The following CDH4 variants were observed in gnomAD, a reference collection of about 807,000 sequenced individuals.
The protein encoded by CDH4 is cadherin 4.
In CDH4, 33 loss-of-function variants were observed where a neutral mutation model predicts 86.0. That is an observed-to-expected ratio of 0.38 (90% CI 0.29 to 0.51). The LOEUF (loss-of-function observed/expected upper bound fraction) is 0.51. Among genes scored for constraint, CDH4 ranks in the 20% least tolerant of loss-of-function variants. CDH4 has a pLI of 0.86. For synonymous variants in CDH4, 555 were observed against 549.4 expected (o/e 1.01, Z -0.14); for missense variants, 1,114 against 1,307.4 (o/e 0.85, Z 2.28).
chr20:61,592,384 C>T (rs903748956), intron 2 of CDH4, among the ~76,000 whole-genome samples: 10 of 152,094 alleles, frequency 6.6e-5, no homozygotes, highest in African/African-American at 1.9e-4. Flanking sequence ...TCCACAGGGG[C>T]GCCCGTCATC....
chr20:61,331,148 G>A lies in CDH4; in HGVS notation c.169+76211G>A, dbSNP rs181954910. On this transcript the variant is annotated intron_variant, in intron 2 of 15. Transcript: ENST00000614565. ...AGCAGGGAAGGCTGTCTTGGGGCTC[G>A]GCGTCTCTGTCCCCATCTCCTTCCA... 3.5e-3 allele frequency among the ~76,000 whole-genome samples: 536 copies of A among 152,160 alleles called. 3 individuals carry two copies. Among genetic ancestry groups the A allele is most frequent in the African/African-American group, 0.012 (496 of 41,484 alleles).
At chr20:61,533,610 T>C (rs2085972767) in intron 2 of CDH4, among the ~76,000 whole-genome samples, 1 of 152,208 alleles carries the variant, frequency 6.6e-6, no homozygotes. Flanking sequence ...CCCCTCTGGC[T>C]GCCTCACTCT....
At chr20:61,803,155 G>A (rs1345487064) in intron 4 of CDH4, among the ~76,000 whole-genome samples, 1 of 152,146 alleles carries the variant, frequency 6.6e-6, no homozygotes, top group Non-Finnish European at 1.5e-5. Flanking sequence ...GTGTGTCCGC[G>A]ATGTGCTGTG....
intron 2 of CDH4, among the ~76,000 whole-genome samples, chr20:61,477,711 G>T (rs1179853437): frequency 6.6e-6 from 1 of 152,172 alleles, no homozygotes; most frequent in Non-Finnish European, 1.5e-5. Context: ...TCTCCTTCCA[G>T]CCCATTGCTC....
chr20:61,340,075 T>C (rs1042237978), intron 2 of CDH4, among the ~76,000 whole-genome samples: 1 of 152,206 alleles, frequency 6.6e-6, no homozygotes, highest in East Asian at 1.9e-4. Context: ...AAAACCCAGA[T>C]AGGTATAATC....
At chr20:61,771,347 G>T (rs2088773925) in intron 3 of CDH4, among the ~76,000 whole-genome samples, 1 of 151,656 alleles carries the variant, frequency 6.6e-6, no homozygotes, top group South Asian at 2.1e-4. Flanking sequence ...GTTGAGGCTG[G>T]GCATGGTGGC....
chr20:61,832,041 T>C (rs1170093835), intron 4 of CDH4, among the ~76,000 whole-genome samples: 1 of 152,212 alleles, frequency 6.6e-6, no homozygotes, highest in Non-Finnish European at 1.5e-5. Context: ...GCAAGTTGGG[T>C]GGATGCTGCT....
intron 4 of CDH4, among the ~76,000 whole-genome samples, chr20:61,822,912 C>T (rs1239947191): frequency 6.6e-6 from 1 of 152,172 alleles, no homozygotes; most frequent in Non-Finnish European, 1.5e-5. Flanking sequence ...TCCCAGGTAA[C>T]CCAACTGCCG....
chr20:61,761,534 C>T (rs1394867843), intron 3 of CDH4, among the ~76,000 whole-genome samples: 2 of 152,124 alleles, frequency 1.3e-5, no homozygotes, highest in African/African-American at 2.4e-5. Flanking sequence ...AACATTAGAA[C>T]GTTCAGCAAA....
chr20:61,517,284 C>G lies in CDH4; in HGVS notation c.170-226279C>G, dbSNP rs575738150. On this transcript the variant is annotated intron_variant, in intron 2 of 15. Coordinates refer to ENST00000614565, the MANE Select transcript of CDH4 (RefSeq NM_001794.5). The surrounding 1 kb of genome is among the most constrained non-coding windows in gnomAD (Gnocchi z 6.6). ...CACAACCCACGGCAGCCGCCAACTCCTGGGCTCAAGCGATCCTCCCACCTC... is the reference window on the plus strand; with the variant it reads ...CACAACCCACGGCAGCCGCCAACTCGTGGGCTCAAGCGATCCTCCCACCTC... Among the ~76,000 whole-genome samples, 19 of 152,360 alleles carry G rather than the reference C, an allele frequency of 1.2e-4. No homozygotes were observed. In the East Asian group the frequency reaches 3.7e-3, roughly 29 times the overall value.
At chr20:61,911,205 T>G (rs2054846601) in intron 9 of CDH4, among the ~76,000 whole-genome samples, 1 of 152,194 alleles carries the variant, frequency 6.6e-6, no homozygotes, top group South Asian at 2.1e-4. Context: ...TGGTCGTGCT[T>G]CTTTTTGTTT....
intron 2 of CDH4, among the ~76,000 whole-genome samples, chr20:61,528,466 A>AAGGGAGGGGAGGGG (rs2085928577): frequency 2.6e-3 from 21 of 8,152 alleles, no homozygotes; most frequent in African/African-American, 5.7e-3. Context: ...GGGGAGAGGG[A>AAGGGAGGGGAGGGG]GGGGGAGGGG....
intron 2 of CDH4, among the ~76,000 whole-genome samples, chr20:61,427,053 T>C (rs888305496): frequency 6.6e-6 from 1 of 152,202 alleles, no homozygotes; most frequent in Admixed American, 6.5e-5. Context: ...GCTCCAAGAC[T>C]AACTAGGGAG....
At chr20:61,711,705 A>T (rs1299466484) in intron 2 of CDH4, among the ~76,000 whole-genome samples, 1 of 152,194 alleles carries the variant, frequency 6.6e-6, no homozygotes, top group African/African-American at 2.4e-5. Context: ...GGATTTGGAC[A>T]TCTGGGGAGG....
At chr20:61,474,950 A>G (rs1043906307) in intron 2 of CDH4, among the ~76,000 whole-genome samples, 9 of 152,176 alleles carry the variant, frequency 5.9e-5, no homozygotes, top group Non-Finnish European at 1.0e-4. Flanking sequence ...CATTTTAGAA[A>G]CCTGCTTCCT....
At chr20:61,593,219 G>A (rs1013777938) in intron 2 of CDH4, among the ~76,000 whole-genome samples, 1 of 152,246 alleles carries the variant, frequency 6.6e-6, no homozygotes, top group Non-Finnish European at 1.5e-5. Context: ...ACGCTCATGG[G>A]CTACACTTTG....
At chr20:61,436,313 G>A (rs2085281900) in intron 2 of CDH4, among the ~76,000 whole-genome samples, 1 of 152,162 alleles carries the variant, frequency 6.6e-6, no homozygotes, top group South Asian at 2.1e-4. Context: ...ACACTGTCTA[G>A]CAGAGGCAGC....
In CDH4 at chr20:61,344,615, G is replaced by A. The variant is rs187443023; in HGVS notation, c.169+89678G>A. Among the ~76,000 whole-genome samples the A allele has an allele frequency of 2.0e-5, 3 of 152,292 alleles. No homozygotes were observed. In the East Asian group the frequency reaches 5.8e-4, roughly 29 times the overall value. On this transcript the variant is annotated intron_variant, in intron 2 of 15. Coordinates refer to ENST00000614565, the MANE Select transcript of CDH4 (RefSeq NM_001794.5). ...GGGCCAAACCGCCTCTTCACTAAGA[G>A]GTAAGCCATTGTGTTTCCCTGTTGC... is the stretch of plus-strand genomic sequence containing the variant.
chr20:61,394,578 G>GAGCA (rs995577805), intron 2 of CDH4, among the ~76,000 whole-genome samples: 5 of 151,872 alleles, frequency 3.3e-5, no homozygotes, highest in African/African-American at 1.2e-4. Context: ...GGGCCGAAGA[G>GAGCA]AGCACCAGGG....
Sources: gnomAD v4.1 joint callset for allele counts (sites outside exome capture counted in the v4.1 genomes callset) on GRCh38, gnomAD v4.1.1 for gene constraint, Gnocchi (gnomAD v3.1) non-coding constraint, MANE v1.5 for transcripts, NCBI Gene and HGNC (gene_info 2026-07-23, HGNC 2026-07-21) for gene names.